Variants in LRRC4C observed in about 807,000 individuals in gnomAD.
The protein encoded by LRRC4C is leucine-rich repeat-containing protein 4C.
Under a neutral mutation model 33.6 loss-of-function variants are expected in LRRC4C, and 5 were observed. The ratio of observed to expected loss-of-function variants is 0.15; its 90% CI spans 0.08 to 0.31. LRRC4C has a LOEUF of 0.31. Ranked by LOEUF, LRRC4C falls within the 10% of genes least tolerant of loss-of-function variation. The probability of loss-of-function intolerance (pLI) is 1.00; values close to 1 mark genes in which losing one functional copy is unlikely to be tolerated. For synonymous variants in LRRC4C, 329 were observed against 302.0 expected (o/e 1.09, Z -0.93); for missense variants, 560 against 796.7 (o/e 0.70, Z 3.58).
chr11:40,590,298 A>G (rs931359110), intron 3 of LRRC4C, among the ~76,000 whole-genome samples: 5 of 150,738 alleles, frequency 3.3e-5, no homozygotes, highest in African/African-American at 1.2e-4. Flanking sequence ...CATTCTTCAC[A>G]TAGTTCTCGA....
chr11:40,517,113 T>C (rs1310301370), intron 3 of LRRC4C, among the ~76,000 whole-genome samples: 2 of 152,164 alleles, frequency 1.3e-5, no homozygotes, highest in Non-Finnish European at 2.9e-5. Flanking sequence ...AAATAATGTA[T>C]TACCTCTGGA....
rs549544005 is a variant in LRRC4C at position 40,600,440 on chromosome 11, C to A, written c.-270+47702G>T. 2.6e-5 allele frequency among the ~76,000 whole-genome samples: 4 copies of A among 152,284 alleles called. No individual in the cohort carries two copies. The East Asian group carries it at 7.7e-4, about 29-fold the overall frequency. On this transcript the variant is annotated intron_variant, in intron 3 of 6. Transcript: ENST00000528697. The stretch of plus-strand genomic sequence containing the variant: ...TACTCCAAGCCCACACTCAAAACTA[C>A]TCAATTACTAAGTGGTTTTTCAATA...
intron 3 of LRRC4C, among the ~76,000 whole-genome samples, chr11:40,346,010 C>T (rs1947112537): frequency 6.6e-6 from 1 of 152,132 alleles, no homozygotes; most frequent in Admixed American, 6.5e-5. Flanking sequence ...CACCATCTCA[C>T]ACCAGTCAGA....
At chr11:40,261,334 A>T (rs2136260931) in intron 4 of LRRC4C, among the ~76,000 whole-genome samples, 1 of 152,188 alleles carries the variant, frequency 6.6e-6, no homozygotes, top group African/African-American at 2.4e-5. Context: ...GTTTACTGGA[A>T]TTTTTTTCTG....
At chr11:40,441,108 G>C (rs990647423) in intron 3 of LRRC4C, among the ~76,000 whole-genome samples, 1 of 152,102 alleles carries the variant, frequency 6.6e-6, no homozygotes, top group African/African-American at 2.4e-5. Flanking sequence ...CATTCTGTTG[G>C]GTTTGATGTC....
At chr11:41,317,661 C>T (rs577169095) in intron 1 of LRRC4C, among the ~76,000 whole-genome samples, 149 of 151,944 alleles carry the variant, frequency 9.8e-4, no homozygotes, top group African/African-American at 3.5e-3. Context: ...ATACTAAGGA[C>T]CCGTCATTTG....
chr11:40,337,464 C>G (rs1181947114), intron 3 of LRRC4C, among the ~76,000 whole-genome samples: 2 of 152,142 alleles, frequency 1.3e-5, no homozygotes, highest in Non-Finnish European at 2.9e-5. Flanking sequence ...CAGCTTAAGT[C>G]TTCTTATGTC....
intron 3 of LRRC4C, among the ~76,000 whole-genome samples, chr11:40,554,262 T>C (rs555057088): frequency 4.6e-5 from 7 of 152,332 alleles, no homozygotes; most frequent in Admixed American, 4.6e-4. Flanking sequence ...TGTGTGACTT[T>C]ATTTCTAGGT....
At chr11:40,962,197 G>GA (rs563433969) in intron 1 of LRRC4C, among the ~76,000 whole-genome samples, 4 of 151,364 alleles carry the variant, frequency 2.6e-5, no homozygotes, top group Non-Finnish European at 5.9e-5. Context: ...AAATCAGAGA[G>GA]AAAAAAAGGG....
intron 1 of LRRC4C, among the ~76,000 whole-genome samples, chr11:41,385,807 G>A (rs1953339439): frequency 6.6e-6 from 1 of 151,490 alleles, no homozygotes; most frequent in Non-Finnish European, 1.5e-5. Context: ...TACCCTGCAG[G>A]ACAACAAATC....
rs534000125 is a variant in LRRC4C at position 41,244,899 on chromosome 11, T to C, written c.-496+214532A>G. ...GCTCAGGCTTTCTATCCATCAACGA[T>C]AATGCTTAGCATTAAACACCTACAA... On this transcript the variant is annotated intron_variant, in intron 1 of 6. Coordinates refer to ENST00000528697, the MANE Select transcript of LRRC4C (RefSeq NM_001258419.2). Among the ~76,000 whole-genome samples, 3 of 152,268 alleles carry C rather than the reference T, an allele frequency of 2.0e-5. No individual in the cohort carries two copies. The South Asian group carries it at 6.2e-4, about 32-fold the overall frequency.
intron 3 of LRRC4C, among the ~76,000 whole-genome samples, chr11:40,503,204 A>C (rs1954862609): frequency 6.6e-6 from 1 of 152,190 alleles, no homozygotes; most frequent in Non-Finnish European, 1.5e-5. Context: ...AGGTATGTAA[A>C]AACATTACCT....
At chr11:40,453,418 G>A (rs7130075) in intron 3 of LRRC4C, among the ~76,000 whole-genome samples, 244 of 152,082 alleles carry the variant, frequency 1.6e-3, no homozygotes, top group African/African-American at 5.2e-3. Flanking sequence ...AAAACTTCCC[G>A]TGAAGAAAAG....
At chr11:41,450,844 C>T (rs1354777) in intron 1 of LRRC4C, among the ~76,000 whole-genome samples, 120,664 of 152,018 alleles carry the variant, frequency 0.79, 48,780 homozygotes, top group East Asian at 1. Context: ...AATTTCTCCT[C>T]GGAAACATTA....
intron 2 of LRRC4C, among the ~76,000 whole-genome samples, chr11:40,816,037 C>A (rs185167287): frequency 6.6e-6 from 1 of 152,250 alleles, no homozygotes; most frequent in Admixed American, 6.5e-5. Context: ...TTTGTCCTAC[C>A]ACTATTAAGA....
intron 1 of LRRC4C, among the ~76,000 whole-genome samples, chr11:41,207,542 A>G (rs1946650558): frequency 6.6e-6 from 1 of 152,158 alleles, no homozygotes; most frequent in Non-Finnish European, 1.5e-5. Flanking sequence ...TGTCTTTATA[A>G]GAAGAGGAAT....
chr11:40,987,640 TATATATATATATCTC>T (rs1565274266), intron 1 of LRRC4C, among the ~76,000 whole-genome samples: 6 of 70,046 alleles, frequency 8.6e-5, no homozygotes, highest in Non-Finnish European at 1.7e-4. Flanking sequence ...GATATATATA[TATATATATATATCTC>T]ATATATATGA....
intron 2 of LRRC4C, among the ~76,000 whole-genome samples, chr11:40,867,293 T>C (rs1488493700): frequency 1.3e-5 from 2 of 152,118 alleles, no homozygotes; most frequent in Non-Finnish European, 2.9e-5. Context: ...GGGCTTTGGA[T>C]TTAGAAAGAT....
Position 40,488,263 on chromosome 11 carries a change from G to T in LRRC4C, c.-270+159879C>A, listed in dbSNP as rs927562185. The stretch of plus-strand genomic sequence containing the variant: ...TCAAACCATTCGAAATCAAAAGCAC[G>T]CATACAGGGTGTTTTTTTCCCCCCC... On this transcript the variant is annotated intron_variant, in intron 3 of 6. Transcript: ENST00000528697. 3.3e-5 allele frequency among the ~76,000 whole-genome samples: 5 copies of T among 150,486 alleles called. No individual in the cohort carries two copies. In the East Asian group the frequency reaches 9.8e-4, roughly 29 times the overall value.
Sources: gnomAD v4.1 joint callset for allele counts (sites outside exome capture counted in the v4.1 genomes callset) on GRCh38, gnomAD v4.1.1 for gene constraint, MANE v1.5 for transcripts, NCBI Gene and HGNC (gene_info 2026-07-23, HGNC 2026-07-21) for gene names.